Variants in BRD8 observed in about 807,000 individuals in gnomAD.
The protein encoded by BRD8 is bromodomain containing 8, also known as bromodomain-containing protein 8.
A neutral mutation model predicts 143.1 loss-of-function variants in BRD8; 67 were observed. The ratio of observed to expected loss-of-function variants is 0.47; its 90% CI spans 0.38 to 0.57. The LOEUF (loss-of-function observed/expected upper bound fraction) is 0.57. BRD8 is among the 20% of genes least tolerant of loss of function. BRD8 has a pLI of 0.00. For synonymous variants in BRD8, 505 were observed against 517.1 expected (o/e 0.98, Z 0.32); for missense variants, 1,103 against 1,503.0 (o/e 0.73, Z 4.40).
In BRD8 at chr5:138,177,677, G is replaced by GTA; in HGVS notation, c.20-11_20-10insTA. The GTA allele has an allele frequency of 1.1e-5, 14 of 1,303,692 alleles. No individual in the cohort carries two copies. The highest frequency in any genetic ancestry group is 2.6e-5 in the South Asian group (2 of 77,308). 80.8% of individuals were successfully genotyped at this position (1,303,692 alleles called of 1,614,324 possible). On this transcript the variant is annotated splice_polypyrimidine_tract_variant and intron_variant, in intron 1 of 26. Coordinates refer to ENST00000254900, the MANE Select transcript of BRD8 (RefSeq NM_139199.2). ...CTTAGCAGCTTGTGTTCTGGGAAAG[G>GTA]GAGAAAAAAAAAAAAGCCTTGGAAA...
chr5:138,166,615 A>T lies in BRD8; in HGVS notation c.900T>A (p.Pro300=). 6.2e-7 allele frequency: 1 copy of T among 1,613,770 alleles called. No homozygotes were observed. The highest frequency in any genetic ancestry group is 8.5e-7 in the Non-Finnish European group (1 of 1,179,680). ...TGGTAGCTTGGGACACAGACTCTAC[A>T]GGGGGTGGCACAAGTTTAACTGGAG... ...SEPPVKLVPP[P]VESVSQATIV... Residue 300 remains proline (P), a synonymous_variant, in exon 10 of 27, where the codon CCT becomes CCA. Transcript: ENST00000254900.
chr5:138,169,911 A>G (rs1252588045), intron 7 of BRD8, among the ~76,000 whole-genome samples: 3 of 152,210 alleles, frequency 2.0e-5, no homozygotes, highest in Non-Finnish European at 4.4e-5. Flanking sequence ...GTGACCCAAG[A>G]TCGCGCCACT....
chr5:138,139,842 C>T lies in BRD8; in HGVS notation c.*232G>A. On this transcript the variant is annotated 3_prime_UTR_variant, in exon 27 of 27. Transcript: ENST00000254900. The stretch of plus-strand genomic sequence containing the variant: ...CTAATGGAATTGTCTTTAAATCAAG[C>T]CGATGGAACAAAGATGTGGGCAACA... 3 of 499,704 alleles carry T rather than the reference C, an allele frequency of 6.0e-6. No individual in the cohort carries two copies. The highest frequency in any genetic ancestry group is 1.1e-5 in the Non-Finnish European group (3 of 283,392). The allele number at this position is 499,704 out of a possible 1,614,324, so 31.0% of individuals were successfully genotyped here. A position where few individuals can be genotyped will look rare whatever the true frequency, so the allele number is the denominator to read the frequency against.
intron 23 of BRD8, among the ~76,000 whole-genome samples, chr5:138,146,698 G>A (rs1430957108): frequency 6.6e-6 from 1 of 152,170 alleles, no homozygotes; most frequent in African/African-American, 2.4e-5. Context: ...GCCCGGTGTG[G>A]TGGCTCACGC....
chr5:138,174,188 A>G (rs903020822), intron 2 of BRD8, among the ~76,000 whole-genome samples: 3 of 151,578 alleles, frequency 2.0e-5, no homozygotes, highest in Admixed American at 1.3e-4. Context: ...GTGTATACAT[A>G]TATATTTTTT....
intron 20 of BRD8, chr5:138,156,778 C>A (rs1752622444): frequency 3.2e-6 from 3 of 928,136 alleles, no homozygotes; most frequent in African/African-American, 3.6e-5. Flanking sequence ...CTGTAACAAT[C>A]TCATTCCTAC....
intron 25 of BRD8, among the ~76,000 whole-genome samples, chr5:138,143,698 T>C (rs1752010771): frequency 6.6e-6 from 1 of 151,660 alleles, no homozygotes; most frequent in African/African-American, 2.4e-5. Context: ...TAAACATTTG[T>C]AAATGCACCA....
At chr5:138,150,601 T>C in intron 22 of BRD8, 144 bp downstream of exon 22, 1 of 918,614 alleles carries the variant, frequency 1.1e-6, no homozygotes, top group South Asian at 1.8e-5. Context: ...ATGCTAAAGG[T>C]AACACAGCTA....
In BRD8 at chr5:138,152,641, G is replaced by A. The variant is rs368730028; in HGVS notation, c.2697C>T (p.Gly899=). 12 of 1,614,102 alleles carry A rather than the reference G, an allele frequency of 7.4e-6. No homozygotes were observed. The highest frequency in any genetic ancestry group is 8.5e-6 in the Non-Finnish European group (10 of 1,180,024). The part of the protein sequence containing the change: ...SWDSSLDLDV[G]NWRETEDPEA... ...CTGGATCCTCAGTTTCCCTCCAGTT[G>A]CCCACATCAAGATCCAGACTGGAGT... Residue 899 remains glycine, a synonymous_variant, in exon 21 of 27, where the codon GGC becomes GGT. Transcript: ENST00000254900.
chr5:138,176,543 C>T (rs1052250149), intron 2 of BRD8, among the ~76,000 whole-genome samples: 3 of 152,154 alleles, frequency 2.0e-5, no homozygotes, highest in African/African-American at 7.2e-5. Flanking sequence ...TACTACACTC[C>T]AGCCTGTGTG....
chr5:138,145,279 A>G, intron 24 of BRD8, 34 bp from the exon 25 acceptor site: 1 of 1,601,358 alleles, frequency 6.2e-7, no homozygotes, highest in Non-Finnish European at 8.5e-7. Context: ...GGATAAAGAA[A>G]CCCTGGCAAG....
chr5:138,160,045 C>A, intron 19 of BRD8, 24 bp downstream of exon 19: 2 of 1,572,172 alleles, frequency 1.3e-6, no homozygotes, highest in Non-Finnish European at 1.8e-6. Context: ...CACTGGCACA[C>A]AGGTTCCTTC....
In BRD8 at chr5:138,152,587, C is replaced by A; in HGVS notation, c.2751G>T (p.Pro917=). 1.9e-6 allele frequency: 3 copies of A among 1,614,138 alleles called. No homozygotes were observed. The highest frequency in any genetic ancestry group is 2.5e-6 in the Non-Finnish European group (3 of 1,180,022). Residue 917 remains proline, a synonymous_variant, in exon 21 of 27, where the codon CCG becomes CCT. Transcript: ENST00000254900. The stretch of plus-strand genomic sequence containing the variant: ...CAAGCAGTTCACTAGGTTCTCTCTC[C>A]GGGCTGCTTTCCTCTAGTTCCTCAG... ...PEAEELEESS[P]EREPSELLVG...
intron 25 of BRD8, 103 bp downstream of exon 25, chr5:138,145,074 T>A: frequency 8.3e-7 from 1 of 1,201,622 alleles, no homozygotes; most frequent in Non-Finnish European, 1.2e-6. Context: ...ATGAAACATA[T>A]CTTGAGTTTG....
chr5:138,156,901 T>G, intron 20 of BRD8: 1 of 1,112,822 alleles, frequency 9.0e-7, no homozygotes, highest in Non-Finnish European at 1.1e-6. Context: ...TTTTTTCAGT[T>G]TATTGTATAC....
intron 20 of BRD8, among the ~76,000 whole-genome samples, chr5:138,155,308 G>T (rs1561603134): frequency 6.6e-6 from 1 of 151,572 alleles, no homozygotes; most frequent in Non-Finnish European, 1.5e-5. Flanking sequence ...AATTAGCCGG[G>T]CTTGGTGGTG....
At chr5:138,159,487 C>T in intron 20 of BRD8, 68 bp downstream of exon 20, 3 of 1,547,824 alleles carry the variant, frequency 1.9e-6, no homozygotes, top group Non-Finnish European at 2.7e-6. Flanking sequence ...TTCCCTCTGC[C>T]ACCCACCCCC....
At chr5:138,155,306 G>C (rs905828196) in intron 20 of BRD8, among the ~76,000 whole-genome samples, 1 of 151,484 alleles carries the variant, frequency 6.6e-6, no homozygotes, top group Non-Finnish European at 1.5e-5. Flanking sequence ...AAAATTAGCC[G>C]GGCTTGGTGG....
chr5:138,162,182 G>A (rs1285672517), intron 15 of BRD8, 36 bp from the exon 16 acceptor site: 5 of 1,470,222 alleles, frequency 3.4e-6, no homozygotes, highest in Non-Finnish European at 3.7e-6. Context: ...CTAGGCACAA[G>A]TTAAAAAATA....
Sources: allele counts gnomAD v4.1 joint callset (sites outside exome capture counted in the v4.1 genomes callset), GRCh38; gene constraint gnomAD v4.1.1; transcripts MANE v1.5; gene names NCBI Gene and HGNC (gene_info 2026-07-23, HGNC 2026-07-21).